The following ELMO1 variants were observed in gnomAD, a reference collection of about 807,000 sequenced individuals.
The protein encoded by ELMO1 is engulfment and cell motility 1, also known as engulfment and cell motility protein 1.
ELMO1 carries 26 observed loss-of-function variants against 98.9 expected under a neutral mutation model. The ratio of observed to expected loss-of-function variants is 0.26; its 90% CI spans 0.19 to 0.36. The LOEUF (loss-of-function observed/expected upper bound fraction) is 0.36. Among genes scored for constraint, ELMO1 ranks in the 10% least tolerant of loss-of-function variants. ELMO1 has a pLI of 1.00. For synonymous variants in ELMO1, 346 were observed against 346.0 expected (o/e 1.00, Z 0.00); for missense variants, 627 against 935.2 (o/e 0.67, Z 4.30).
chr7:36,954,071 A>G (rs1374496847), intron 16 of ELMO1, among the ~76,000 whole-genome samples: 1 of 152,124 alleles, frequency 6.6e-6, no homozygotes, highest in African/African-American at 2.4e-5. Flanking sequence ...AGGATTTCCA[A>G]ATTCACTGTT....
intron 4 of ELMO1, among the ~76,000 whole-genome samples, chr7:37,272,527 T>G (rs1796617714): frequency 6.6e-6 from 1 of 152,040 alleles, no homozygotes. Context: ...AAGAAAAAAT[T>G]AGCCAGGCAT....
chr7:37,433,118 AT>A (rs1327067732), intron 1 of ELMO1, among the ~76,000 whole-genome samples: 1 of 152,166 alleles, frequency 6.6e-6, no homozygotes, highest in Non-Finnish European at 1.5e-5. Context: ...CTTCAGCAAA[AT>A]TGAGGACAGC....
intron 4 of ELMO1, among the ~76,000 whole-genome samples, chr7:37,314,487 C>T (rs11773267): frequency 0.44 from 65,718 of 150,732 alleles, 14,617 homozygotes; most frequent in East Asian, 0.71. Context: ...CATTATTTCA[C>T]GTACTTTAAG....
chr7:37,346,477 T>G (rs1005535982), intron 1 of ELMO1, among the ~76,000 whole-genome samples: 3 of 152,252 alleles, frequency 2.0e-5, no homozygotes, highest in African/African-American at 7.2e-5. Flanking sequence ...GTAATTATAG[T>G]GTCTTCTTTG....
intron 13 of ELMO1, among the ~76,000 whole-genome samples, chr7:37,145,741 T>G (rs374342151): frequency 6.6e-6 from 1 of 152,238 alleles, no homozygotes; most frequent in African/African-American, 2.4e-5. Flanking sequence ...GAGTTAATAT[T>G]TGTGTTATAA....
intron 20 of ELMO1, among the ~76,000 whole-genome samples, chr7:36,863,438 CT>C (rs1019314877): frequency 6.6e-6 from 1 of 152,016 alleles, no homozygotes; most frequent in African/African-American, 2.4e-5. Context: ...TCATATCATT[CT>C]TTTTAAAAAA....
rs116667099 is a variant in ELMO1 at position 37,399,739 on chromosome 7, T to C, written c.-74+48936A>G. Among the ~76,000 whole-genome samples, 480 of 152,294 alleles carry C rather than the reference T, an allele frequency of 3.2e-3. 3 individuals carry two copies. Among genetic ancestry groups the C allele is most frequent in the African/African-American group, 0.011 (458 of 41,564 alleles). On this transcript the variant is annotated intron_variant, in intron 1 of 21. Transcript: ENST00000310758. ...TCTGCAGCATCATTACTGCTATATC[T>C]TTAGGGGAGATTACATGATCTTCAA...
chr7:37,268,398 T>G (rs1348194382), intron 5 of ELMO1, among the ~76,000 whole-genome samples: 1 of 152,080 alleles, frequency 6.6e-6, no homozygotes, highest in East Asian at 1.9e-4. Flanking sequence ...GCCTCCTGGG[T>G]TCAAGCAATT....
At position 36,870,852 on chromosome 7, in the gene ELMO1, C is replaced by T. The variant is rs887988750; in HGVS notation, c.1823-377G>A. ...ACTCATACTGATATTACAGAGGGCT[C>T]CTGTGTGACAAGAGCAATGCCAAGT... On this transcript the variant is annotated intron_variant, in intron 19 of 21. Transcript: ENST00000310758. The surrounding 1 kb of genome is among the most constrained non-coding windows in gnomAD (Gnocchi z 4.4). Among the ~76,000 whole-genome samples the T allele has an allele frequency of 7.9e-5, 12 of 152,186 alleles. No homozygotes were observed. The highest frequency in any genetic ancestry group is 1.3e-4 in the Non-Finnish European group (9 of 68,028).
intron 16 of ELMO1, among the ~76,000 whole-genome samples, chr7:36,996,968 G>C (rs1340067519): frequency 6.6e-6 from 1 of 152,228 alleles, no homozygotes; most frequent in Non-Finnish European, 1.5e-5. Context: ...TGGAAGAAGA[G>C]AGAGCCAGAG....
At chr7:37,403,903 A>T (rs1174399841) in intron 1 of ELMO1, among the ~76,000 whole-genome samples, 2 of 152,118 alleles carry the variant, frequency 1.3e-5, no homozygotes, top group African/African-American at 4.8e-5. Context: ...ATCTTAATGA[A>T]CTGTTGTTGT....
intron 1 of ELMO1, chr7:37,429,465 T>C (rs991604620): frequency 6.6e-6 from 1 of 152,230 alleles, no homozygotes; most frequent in African/African-American, 2.4e-5. Flanking sequence ...TTCCTAGAGG[T>C]GCTTACAGGC....
chr7:37,441,281 G>A (rs1029726304), intron 1 of ELMO1, among the ~76,000 whole-genome samples: 3 of 152,034 alleles, frequency 2.0e-5, no homozygotes, highest in Non-Finnish European at 4.4e-5. Context: ...TAAGCCACTC[G>A]ATGGTGTTCT....
In ELMO1 at chr7:37,041,784, C is replaced by T. The variant is rs183695335; in HGVS notation, c.1301-28349G>A. ...CGTGGCAGAAAAGCAACCCCCACCCCAGGAACACTGGCTGTGAGCCCTGCG... is the reference window on the plus strand; with the variant it reads ...CGTGGCAGAAAAGCAACCCCCACCCTAGGAACACTGGCTGTGAGCCCTGCG... On this transcript the variant is annotated intron_variant, in intron 15 of 21. Coordinates refer to ENST00000310758, the MANE Select transcript of ELMO1 (RefSeq NM_014800.11). Among the ~76,000 whole-genome samples, 3 of 152,200 alleles carry T rather than the reference C, an allele frequency of 2.0e-5. No homozygotes were observed. The East Asian group carries it at 5.8e-4, about 29-fold the overall frequency.
At chr7:36,974,335 G>GA (rs1790304148) in intron 16 of ELMO1, among the ~76,000 whole-genome samples, 1 of 152,196 alleles carries the variant, frequency 6.6e-6, no homozygotes, top group South Asian at 2.1e-4. Context: ...CTGTGGTGGG[G>GA]ATGTGGAGAA....
chr7:37,194,671 C>CTT (rs1285900800), intron 13 of ELMO1, among the ~76,000 whole-genome samples: 1 of 152,194 alleles, frequency 6.6e-6, no homozygotes, highest in Non-Finnish European at 1.5e-5. Context: ...CTTTCCACTC[C>CTT]TTGTTGGTCA....
At chr7:37,242,003 A>C (rs1236175403) in intron 7 of ELMO1, among the ~76,000 whole-genome samples, 1 of 152,116 alleles carries the variant, frequency 6.6e-6, no homozygotes, top group Non-Finnish European at 1.5e-5. Flanking sequence ...ATGTCTCTCC[A>C]GTGTGAAGAA....
chr7:36,863,262 A>G (rs1013540603), intron 20 of ELMO1, among the ~76,000 whole-genome samples: 1 of 152,222 alleles, frequency 6.6e-6, no homozygotes, highest in Non-Finnish European at 1.5e-5. Flanking sequence ...GCCCTGACTC[A>G]GGCCTACCCA....
chr7:37,243,266 T>C (rs1794844117), intron 7 of ELMO1, among the ~76,000 whole-genome samples: 2 of 152,170 alleles, frequency 1.3e-5, no homozygotes, highest in Admixed American at 1.3e-4. Context: ...ATTTGCAAAT[T>C]CTGTTAAGTA....
Sources: gnomAD v4.1 joint callset for allele counts (sites outside exome capture counted in the v4.1 genomes callset) on GRCh38, gnomAD v4.1.1 for gene constraint, Gnocchi (gnomAD v3.1) non-coding constraint, MANE v1.5 for transcripts, NCBI Gene and HGNC (gene_info 2026-07-23, HGNC 2026-07-21) for gene names.